CNTN4: variants seen among roughly 807,000 people sequenced by gnomAD.
The protein encoded by CNTN4 is contactin-4.
CNTN4 carries 77 observed loss-of-function variants against 122.5 expected under a neutral mutation model. The ratio of observed to expected loss-of-function variants is 0.63; its 90% CI spans 0.52 to 0.76. CNTN4 has a LOEUF of 0.76. Ranked by LOEUF, CNTN4 falls within the 30% of genes least tolerant of loss-of-function variation. The pLI, the probability that CNTN4 is intolerant of heterozygous loss-of-function variation, is 0.00. For synonymous variants in CNTN4, 512 were observed against 447.0 expected (o/e 1.15, Z -1.83); for missense variants, 1,256 against 1,259.1 (o/e 1.00, Z 0.04).
At chr3:2,134,446 G>A (rs935160308) in intron 2 of CNTN4, among the ~76,000 whole-genome samples, 2 of 152,210 alleles carry the variant, frequency 1.3e-5, no homozygotes, top group Non-Finnish European at 2.9e-5. Flanking sequence ...CAAGGAGGGA[G>A]CATGGAGGAA....
chr3:2,281,662 A>T (rs568917404), intron 2 of CNTN4, among the ~76,000 whole-genome samples: 1 of 151,950 alleles, frequency 6.6e-6, no homozygotes, highest in African/African-American at 2.4e-5. Context: ...AGTATTTCAC[A>T]TATCTGCTTG....
chr3:2,809,745 A>G (rs1020969272), intron 6 of CNTN4, among the ~76,000 whole-genome samples: 3 of 152,216 alleles, frequency 2.0e-5, no homozygotes, highest in Admixed American at 2.0e-4. Flanking sequence ...CAACATTATT[A>G]ACGGTGCCAT....
intron 2 of CNTN4, among the ~76,000 whole-genome samples, chr3:2,294,703 T>A (rs2042245893): frequency 6.6e-6 from 1 of 152,144 alleles, no homozygotes; most frequent in South Asian, 2.1e-4. Flanking sequence ...ATACTTTAAG[T>A]TTTAGGGTAC....
At chr3:2,388,346 C>G (rs1447610093) in intron 3 of CNTN4, among the ~76,000 whole-genome samples, 1 of 152,168 alleles carries the variant, frequency 6.6e-6, no homozygotes, top group African/African-American at 2.4e-5. Context: ...GGGATCAATG[C>G]ATTGCCATTC....
rs1225216940 is a variant in CNTN4 at position 3,052,714 on chromosome 3, TG to T, written c.2812-1087del. 2.0e-5 allele frequency among the ~76,000 whole-genome samples: 3 copies of T among 152,290 alleles called. No homozygotes were observed. The South Asian group carries it at 6.2e-4, about 32-fold the overall frequency. ...AATCCACCTCCAAACTCAGAACCCATGGGGGGCCCAAGATGAAAACAGGACT... is the reference window on the plus strand; with the variant it reads ...AATCCACCTCCAAACTCAGAACCCATGGGGGCCCAAGATGAAAACAGGACT... On this transcript the variant is annotated intron_variant, in intron 23 of 24. Coordinates refer to ENST00000418658, the MANE Select transcript of CNTN4 (RefSeq NM_175607.3).
rs888456651 is a variant in CNTN4 at position 2,703,479 on chromosome 3, A to G, written c.56-32736A>G. 2.6e-5 allele frequency among the ~76,000 whole-genome samples: 4 copies of G among 152,302 alleles called. No individual in the cohort carries two copies. In the South Asian group the frequency reaches 6.2e-4, roughly 24 times the overall value. On this transcript the variant is annotated intron_variant, in intron 4 of 24. Transcript: ENST00000418658. ...ATTATTCTTTTTTAACTTAAAATCA[A>G]ATCTCAGAGAAGATGGAACTTGCCC... is the stretch of plus-strand genomic sequence containing the variant.
chr3:2,313,994 A>T (rs570627585), intron 2 of CNTN4, among the ~76,000 whole-genome samples: 1 of 152,160 alleles, frequency 6.6e-6, no homozygotes, highest in South Asian at 2.1e-4. Context: ...ATGAATCTGA[A>T]AACTTTAAAC....
At chr3:2,353,968 C>T (rs971552767) in intron 3 of CNTN4, among the ~76,000 whole-genome samples, 6 of 152,166 alleles carry the variant, frequency 3.9e-5, no homozygotes, top group African/African-American at 1.2e-4. Flanking sequence ...ACAATGATGA[C>T]AGCTTATATA....
At chr3:2,497,859 G>A (rs1302046108) in intron 3 of CNTN4, among the ~76,000 whole-genome samples, 2 of 151,868 alleles carry the variant, frequency 1.3e-5, no homozygotes, top group East Asian at 1.9e-4. Context: ...TGTCATGTTT[G>A]TCTAGCTCTT....
At chr3:2,352,979 T>C (rs1269221472) in intron 3 of CNTN4, among the ~76,000 whole-genome samples, 3 of 152,040 alleles carry the variant, frequency 2.0e-5, no homozygotes, top group Admixed American at 6.5e-5. Context: ...TGGAGAACTT[T>C]TGTGTCTAGC....
chr3:2,879,357 C>T (rs2093881148), intron 8 of CNTN4, among the ~76,000 whole-genome samples: 1 of 152,186 alleles, frequency 6.6e-6, no homozygotes, highest in Non-Finnish European at 1.5e-5. Context: ...TTATTTATGA[C>T]TTCTATCCTC....
In CNTN4 at chr3:2,138,159, C is replaced by T. The variant is rs142598244; in HGVS notation, c.-145+37520C>T. ...TCAGCTCACTGCAACCTCCACTTCCCGGGTTCAAGTGATTCTCCTGCCTCA... is the reference window on the plus strand; with the variant it reads ...TCAGCTCACTGCAACCTCCACTTCCTGGGTTCAAGTGATTCTCCTGCCTCA... On this transcript the variant is annotated intron_variant, in intron 2 of 24. Coordinates refer to ENST00000418658, the MANE Select transcript of CNTN4 (RefSeq NM_175607.3). 8.2e-3 allele frequency among the ~76,000 whole-genome samples: 1,243 copies of T among 151,908 alleles called. 19 individuals carry two copies. Among genetic ancestry groups the T allele is most frequent in the African/African-American group, 0.028 (1,178 of 41,418 alleles).
intron 3 of CNTN4, among the ~76,000 whole-genome samples, chr3:2,547,287 G>A (rs2078288462): frequency 6.6e-6 from 1 of 150,534 alleles, no homozygotes; most frequent in African/African-American, 2.4e-5. Flanking sequence ...TTTTGAGATG[G>A]GATCTCATTC....
At chr3:2,541,325 T>C (rs2078023294) in intron 3 of CNTN4, among the ~76,000 whole-genome samples, 1 of 152,072 alleles carries the variant, frequency 6.6e-6, no homozygotes, top group Non-Finnish European at 1.5e-5. Flanking sequence ...AAATAGACAA[T>C]ATTAAAGCAT....
chr3:2,896,952 T>TTTTCC (rs2094121809), intron 10 of CNTN4, among the ~76,000 whole-genome samples: 2 of 145,736 alleles, frequency 1.4e-5, no homozygotes, highest in African/African-American at 2.6e-5. Flanking sequence ...TTTTTTTTGC[T>TTTTCC]ATCACATCCT....
At chr3:2,322,324 C>T (rs2043301222) in intron 2 of CNTN4, among the ~76,000 whole-genome samples, 1 of 152,088 alleles carries the variant, frequency 6.6e-6, no homozygotes, top group Admixed American at 6.6e-5. Context: ...ATAAACAAAA[C>T]ATGGTGTAAA....
At chr3:2,448,926 T>C (rs2048724941) in intron 3 of CNTN4, among the ~76,000 whole-genome samples, 1 of 152,192 alleles carries the variant, frequency 6.6e-6, no homozygotes, top group South Asian at 2.1e-4. Context: ...TACCAAGCCA[T>C]GTAAGGCTAC....
In CNTN4 at chr3:2,579,608, C is replaced by T. The variant is rs549543521; in HGVS notation, c.55+8050C>T. On this transcript the variant is annotated intron_variant, in intron 4 of 24. Transcript: ENST00000418658. ...TTAGGCTATCTGTGAGGATTGAGAA[C>T]GTGCATATATTCTTTGCACTTAGTG... 5.3e-5 allele frequency among the ~76,000 whole-genome samples: 8 copies of T among 152,080 alleles called. No individual in the cohort carries two copies. In the East Asian group the frequency reaches 7.7e-4, roughly 15 times the overall value.
At chr3:2,243,882 G>A (rs1052191999) in intron 2 of CNTN4, among the ~76,000 whole-genome samples, 1 of 152,020 alleles carries the variant, frequency 6.6e-6, no homozygotes, top group Non-Finnish European at 1.5e-5. Flanking sequence ...TAGGCTGGTT[G>A]CCCACAGGAA....
Sources: allele counts gnomAD v4.1 joint callset (sites outside exome capture counted in the v4.1 genomes callset), GRCh38; gene constraint gnomAD v4.1.1; transcripts MANE v1.5; gene names NCBI Gene and HGNC (gene_info 2026-07-23, HGNC 2026-07-21).